The following AKT3 variants were observed in gnomAD, a reference collection of about 807,000 sequenced individuals.
AKT3 encodes RAC-gamma serine/threonine-protein kinase.
Under a neutral mutation model 65.3 loss-of-function variants are expected in AKT3, and 15 were observed. That is an observed-to-expected ratio of 0.23 (90% CI 0.15 to 0.35). The LOEUF (loss-of-function observed/expected upper bound fraction) is 0.35. AKT3 is among the 10% of genes least tolerant of loss of function. The probability of loss-of-function intolerance (pLI) is 1.00; values close to 1 mark genes in which losing one functional copy is unlikely to be tolerated. For missense variants in AKT3, 243 were observed against 576.5 expected (o/e 0.42, Z 5.92); for synonymous variants, 206 against 183.8 (o/e 1.12, Z -0.98).
chr1:243,797,163 TACTTTTTTAAA>T (rs924855516), intron 2 of AKT3, among the ~76,000 whole-genome samples: 5 of 151,822 alleles, frequency 3.3e-5, no homozygotes, highest in Admixed American at 1.3e-4. Flanking sequence ...ACCTAAAAAA[TACTTTTTTAAA>T]AAAAAAAGCA....
chr1:243,493,934 C>T (rs1312745199), intron 13 of AKT3, among the ~76,000 whole-genome samples: 17 of 151,846 alleles, frequency 1.1e-4, no homozygotes, highest in Non-Finnish European at 1.0e-4. Context: ...GAGCAAGACT[C>T]CCTGCCGAGG....
intron 3 of AKT3, among the ~76,000 whole-genome samples, chr1:243,685,639 T>G (rs1463080566): frequency 1.3e-5 from 2 of 152,126 alleles, no homozygotes; most frequent in Non-Finnish European, 2.9e-5. Flanking sequence ...TTCTTTTGGC[T>G]TAGGATTGTT....
intron 2 of AKT3, among the ~76,000 whole-genome samples, chr1:243,805,912 A>C (rs1415742392): frequency 6.6e-6 from 1 of 152,204 alleles, no homozygotes; most frequent in Non-Finnish European, 1.5e-5. Flanking sequence ...GCAAAATTAC[A>C]ACACACATAC....
chr1:243,848,455 T>A (rs894758483), intron 1 of AKT3, among the ~76,000 whole-genome samples: 2 of 152,224 alleles, frequency 1.3e-5, no homozygotes, highest in African/African-American at 4.8e-5. Context: ...TTTATACATA[T>A]TTTGCAAGTG....
chr1:243,630,557 G>C (rs919968425), intron 6 of AKT3, among the ~76,000 whole-genome samples: 5 of 152,142 alleles, frequency 3.3e-5, no homozygotes, highest in African/African-American at 1.2e-4. Flanking sequence ...CTAATCCTCA[G>C]TAATTTGTAT....
intron 5 of AKT3, among the ~76,000 whole-genome samples, chr1:243,644,507 C>T (rs1461730610): frequency 6.6e-6 from 1 of 151,718 alleles, no homozygotes; most frequent in African/African-American, 2.4e-5. Context: ...AATAATGGTA[C>T]TTAACTTATA....
intron 5 of AKT3, among the ~76,000 whole-genome samples, chr1:243,638,041 G>A (rs1038238847): frequency 2.0e-5 from 3 of 152,048 alleles, no homozygotes; most frequent in African/African-American, 7.2e-5. Flanking sequence ...TCATTTTTAA[G>A]GACTCAAGTT....
intron 6 of AKT3, among the ~76,000 whole-genome samples, chr1:243,617,511 G>T (rs945362429): frequency 6.6e-6 from 1 of 152,030 alleles, no homozygotes; most frequent in African/African-American, 2.4e-5. Context: ...TGCTCACAGA[G>T]TTCATAGGCT....
intron 10 of AKT3, among the ~76,000 whole-genome samples, chr1:243,559,238 C>A (rs1673607259): frequency 6.6e-6 from 1 of 152,070 alleles, no homozygotes; most frequent in Non-Finnish European, 1.5e-5. Flanking sequence ...ACTATACATA[C>A]AAATGCAGTT....
intron 4 of AKT3, among the ~76,000 whole-genome samples, chr1:243,660,011 G>T (rs2147899717): frequency 6.6e-6 from 1 of 152,000 alleles, no homozygotes; most frequent in Non-Finnish European, 1.5e-5. Context: ...AGTTAGGGAG[G>T]ATTCCCTCTT....
At chr1:243,630,459 A>C (rs1679525229) in intron 6 of AKT3, among the ~76,000 whole-genome samples, 1 of 152,206 alleles carries the variant, frequency 6.6e-6, no homozygotes, top group Non-Finnish European at 1.5e-5. Context: ...TCCCACTCAG[A>C]AAGGGAGAAA....
chr1:243,723,644 C>T (rs1056905801), intron 2 of AKT3, among the ~76,000 whole-genome samples: 8 of 152,120 alleles, frequency 5.3e-5, no homozygotes, highest in Non-Finnish European at 1.2e-4. Flanking sequence ...TTTCCACTGA[C>T]GCCAAGCACT....
At chr1:243,565,348 T>C (rs1674077933) in intron 9 of AKT3, among the ~76,000 whole-genome samples, 1 of 152,160 alleles carries the variant, frequency 6.6e-6, no homozygotes, top group East Asian at 1.9e-4. Context: ...CTCAGCCTCC[T>C]GAATGGCTGG....
At chr1:243,553,137 T>C (rs1239293519) in intron 10 of AKT3, among the ~76,000 whole-genome samples, 194 bp from the exon 11 acceptor site, 1 of 149,742 alleles carries the variant, frequency 6.7e-6, no homozygotes, top group African/African-American at 2.5e-5. Flanking sequence ...ATTCAATATA[T>C]ATCCACAAAT....
At chr1:243,510,087 G>A (rs571960231) in intron 13 of AKT3, among the ~76,000 whole-genome samples, 2 of 152,268 alleles carry the variant, frequency 1.3e-5, no homozygotes, top group South Asian at 4.1e-4. Flanking sequence ...TGCTCTAAAG[G>A]TACGCAAATG....
chr1:243,764,676 A>C (rs920825819), intron 2 of AKT3, among the ~76,000 whole-genome samples: 1 of 152,074 alleles, frequency 6.6e-6, no homozygotes, highest in Non-Finnish European at 1.5e-5. Flanking sequence ...ATGGTAATAA[A>C]ATAAATAAAA....
intron 2 of AKT3, among the ~76,000 whole-genome samples, chr1:243,791,225 G>C (rs1311264957): frequency 6.6e-6 from 1 of 151,798 alleles, no homozygotes; most frequent in East Asian, 1.9e-4. Flanking sequence ...TAGTCACACT[G>C]TATTGTTTAG....
At chr1:243,827,071 C>T (rs1006477211) in intron 2 of AKT3, among the ~76,000 whole-genome samples, 12 of 151,940 alleles carry the variant, frequency 7.9e-5, no homozygotes, top group African/African-American at 2.9e-4. Flanking sequence ...CAGAAATAAC[C>T]ACTTATTATA....
chr1:243,666,152 C>T (rs770467855), intron 3 of AKT3, among the ~76,000 whole-genome samples: 30 of 152,086 alleles, frequency 2.0e-4, no homozygotes, highest in Non-Finnish European at 3.7e-4. Context: ...TACAGGCGTG[C>T]ACCACCATGC....
Sources: gnomAD v4.1 joint callset for allele counts (sites outside exome capture counted in the v4.1 genomes callset) on GRCh38, gnomAD v4.1.1 for gene constraint, MANE v1.5 for transcripts, NCBI Gene and HGNC (gene_info 2026-07-23, HGNC 2026-07-21) for gene names.